PIGP: variants seen among roughly 807,000 people sequenced by gnomAD.
PIGP encodes phosphatidylinositol N-acetylglucosaminyltransferase subunit P.
A neutral mutation model predicts 16.9 loss-of-function variants in PIGP; 12 were observed. That is an observed-to-expected ratio of 0.71 (90% CI 0.46 to 1.15). The LOEUF (loss-of-function observed/expected upper bound fraction) is 1.15. Among genes scored for constraint, PIGP ranks in the 50% most tolerant of loss-of-function variants. The probability of loss-of-function intolerance (pLI) is 0.00; values close to 1 mark genes in which losing one functional copy is unlikely to be tolerated. For missense variants in PIGP, 159 were observed against 153.5 expected, an observed-to-expected ratio of 1.04 and a Z score of -0.19; for synonymous variants, 57 against 54.7, an observed-to-expected ratio of 1.04 and a Z score of -0.18.
At chr21:37,066,236 G>C (rs554470723) in intron 4 of PIGP, among the ~76,000 whole-genome samples, 2 of 151,942 alleles carry the variant, frequency 1.3e-5, no homozygotes, top group Non-Finnish European at 2.9e-5. Flanking sequence ...CATTTCTCAC[G>C]GGAACAGAAT....
intron 4 of PIGP, 99 bp from the exon 5 acceptor site, chr21:37,065,811 T>G (rs1050129087): frequency 1.1e-6 from 1 of 943,006 alleles, no homozygotes; most frequent in African/African-American, 1.7e-5. Flanking sequence ...AGGCTGACGT[T>G]TGGATAGTGA....
At chr21:37,070,866 G>A (rs545553241) in intron 2 of PIGP, among the ~76,000 whole-genome samples, 2 of 152,344 alleles carry the variant, frequency 1.3e-5, no homozygotes, top group South Asian at 2.1e-4. Context: ...GGGTTCAAGC[G>A]ATTCTCCTGC....
At chr21:37,072,349 T>C (rs1480982814) in intron 2 of PIGP, 85 bp downstream of exon 2, 2 of 1,599,964 alleles carry the variant, frequency 1.3e-6, no homozygotes, top group African/African-American at 1.3e-5. Context: ...CAACAGTTCA[T>C]GTGTGCACAG....
At chr21:37,069,034 G>T (rs2069954221) in intron 3 of PIGP, among the ~76,000 whole-genome samples, 1 of 152,146 alleles carries the variant, frequency 6.6e-6, no homozygotes, top group African/African-American at 2.4e-5. Context: ...GAGGGCTGAG[G>T]GAGATTTGAA....
At chr21:37,072,008 C>G in intron 2 of PIGP, 1 of 712,230 alleles carries the variant, frequency 1.4e-6, no homozygotes, top group Non-Finnish European at 2.6e-6. Context: ...TCTTCCCTCC[C>G]TCTTACTCTT....
intron 3 of PIGP, among the ~76,000 whole-genome samples, 179 bp from the exon 4 acceptor site, chr21:37,067,559 T>C (rs1028552116): frequency 6.6e-6 from 1 of 152,196 alleles, no homozygotes; most frequent in Non-Finnish European, 1.5e-5. Flanking sequence ...TATCCCACCA[T>C]CCCAACCCTG....
Position 37,070,539 on chromosome 21 carries a change from C to T in PIGP, c.83-915G>A, listed in dbSNP as rs1046941244. Among the ~76,000 whole-genome samples the T allele has an allele frequency of 1.8e-4, 28 of 152,268 alleles. 1 individual carries two copies. The highest frequency in any genetic ancestry group is 1.3e-3 in the Admixed American group (20 of 15,306). ...ACATTAGAAGGCCCTCCTTCCACTT[C>T]GTATCCTCCTTCCCTTTGCTTAATT... On this transcript the variant is annotated intron_variant, in intron 2 of 4. Transcript: ENST00000360525.
chr21:37,071,048 A>C (rs114803818), intron 2 of PIGP, among the ~76,000 whole-genome samples: 3,256 of 152,350 alleles, frequency 0.021, 50 homozygotes, highest in African/African-American at 0.04. Context: ...GGCGTGAGCC[A>C]CCAGGCCGGC....
chr21:37,068,086 A>G (rs1000605812), intron 3 of PIGP, among the ~76,000 whole-genome samples: 1 of 151,290 alleles, frequency 6.6e-6, no homozygotes. Flanking sequence ...ACAGATCACT[A>G]GCCTCAATCT....
intron 2 of PIGP, chr21:37,072,126 G>T: frequency 1.1e-6 from 1 of 944,932 alleles, no homozygotes; most frequent in Non-Finnish European, 1.8e-6. Context: ...ATCACACTGA[G>T]CATTAACTGT....
chr21:37,072,532 G>GACAATCTGTGGAAAAGGAAC lies in PIGP; in HGVS notation c.-22-15_-18dup, dbSNP rs769435671. On this transcript the variant is annotated 5_prime_UTR_variant, in exon 2 of 5. Transcript: ENST00000360525. ...TTCCACCATTTTTCCTGGGGCTTTA[G>GACAATCTGTGGAAAAGGAAC]ACAATCTGTGGAAAAGGAACACAAT... 3 of 1,614,216 alleles carry GACAATCTGTGGAAAAGGAAC rather than the reference G, an allele frequency of 1.9e-6. No individual in the cohort carries two copies.
intron 1 of PIGP, 104 bp from the exon 2 acceptor site, chr21:37,072,641 A>ACCGCCTCCCGCGCCTCCGT: frequency 6.3e-7 from 1 of 1,584,726 alleles, no homozygotes; most frequent in Non-Finnish European, 8.6e-7. Flanking sequence ...GCCGCGCAGA[A>ACCGCCTCCCGCGCCTCCGT]CCGCCTCCCG....
At chr21:37,070,635 C>T (rs1054041366) in intron 2 of PIGP, among the ~76,000 whole-genome samples, 3 of 152,192 alleles carry the variant, frequency 2.0e-5, no homozygotes, top group African/African-American at 7.2e-5. Flanking sequence ...TGACTATCTC[C>T]CCCCGGCATG....
Position 37,069,641 on chromosome 21 carries a change from G to T in PIGP, c.83-17C>A. The T allele has an allele frequency of 6.6e-7, 1 of 1,504,016 alleles. No homozygotes were observed. The highest frequency in any genetic ancestry group is 2.0e-5 in the Admixed American group (1 of 48,870). The allele number at this position is 1,504,016 out of a possible 1,614,324, so 93.2% of individuals were successfully genotyped here. On this transcript the variant is annotated splice_polypyrimidine_tract_variant and intron_variant, in intron 2 of 4. Coordinates refer to ENST00000360525, the MANE Select transcript of PIGP (RefSeq NM_153682.3). ...GGTAAAGTACTGTAGAAAAGAAAAA[G>T]AAAAAAAAGAGGAAGAGAAGTCAGT... is the stretch of plus-strand genomic sequence containing the variant.
chr21:37,065,638 T>C lies in PIGP; in HGVS notation c.349A>G (p.Ser117Gly). ...AGAAAGAACATTTGGTTTACTTCAC[T>C]AATAGAAATATCTCTTAAGGCTGGA... ...AIPALRDISI[S>G]EVNQMFFLAA... The change falls in exon 5 of 5, where the codon AGT becomes GGT. Residue 117 changes from serine to glycine, a missense_variant. Transcript: ENST00000360525. 6.2e-7 allele frequency: 1 copy of C among 1,613,542 alleles called. No individual in the cohort carries two copies. Among genetic ancestry groups the C allele is most frequent in the East Asian group, 2.2e-5 (1 of 44,808 alleles).
intron 3 of PIGP, chr21:37,069,289 T>A (rs943723639): frequency 4.0e-6 from 1 of 250,684 alleles, no homozygotes; most frequent in South Asian, 1.1e-4. Flanking sequence ...GTGGTTTGTA[T>A]CTTCAGTTTT....
intron 2 of PIGP, chr21:37,072,051 C>T: frequency 1.3e-6 from 1 of 780,250 alleles, no homozygotes; most frequent in Non-Finnish European, 2.4e-6. Context: ...GGGGAAAGGC[C>T]TCTGTAGAAA....
Position 37,065,831 on chromosome 21 carries a change from T to C in PIGP, c.275-119A>G, listed in dbSNP as rs546910143. On this transcript the variant is annotated intron_variant, in intron 4 of 4. Transcript: ENST00000360525. ...GACGTTTGGATAGTGACAAACATCA[T>C]GTTTAACATAATTAGATGATTACTT... 1.9e-5 allele frequency: 14 copies of C among 739,850 alleles called. 1 individual carries two copies. The highest frequency in any genetic ancestry group is 1.1e-4 in the South Asian group (6 of 55,548). The allele number at this position is 739,850 out of a possible 1,614,324, so 45.8% of individuals were successfully genotyped here.
chr21:37,072,345 T>C, intron 2 of PIGP, 89 bp downstream of exon 2: 8 of 1,597,518 alleles, frequency 5.0e-6, no homozygotes, highest in South Asian at 2.2e-5. Flanking sequence ...GAATCAACAG[T>C]TCATGTGTGC....
Sources: allele counts gnomAD v4.1 joint callset (sites outside exome capture counted in the v4.1 genomes callset), GRCh38; gene constraint gnomAD v4.1.1; transcripts MANE v1.5; gene names NCBI Gene and HGNC (gene_info 2026-07-23, HGNC 2026-07-21).